The following TTC9B variants were observed in gnomAD, a reference collection of about 807,000 sequenced individuals.
The protein encoded by TTC9B is tetratricopeptide repeat protein 9B.
In TTC9B, 12 loss-of-function variants were observed where a neutral mutation model predicts 19.4. The observed-to-expected ratio is 0.62, with a 90% confidence interval of 0.40 to 1.00. The LOEUF is 1.00. Among genes scored for constraint, TTC9B ranks in the 50% least tolerant of loss-of-function variants. The pLI, the probability that TTC9B is intolerant of heterozygous loss-of-function variation, is 0.00. For synonymous variants in TTC9B, 156 were observed against 158.6 expected (o/e 0.98, Z 0.12); for missense variants, 316 against 345.2 (o/e 0.92, Z 0.67).
intron 2 of TTC9B, chr19:40,216,850 G>A: frequency 2.2e-6 from 1 of 456,932 alleles, no homozygotes; most frequent in South Asian, 2.9e-5. Flanking sequence ...GCAGGGGTGG[G>A]ACGGGGTAAT....
At chr19:40,217,788 T>G in intron 1 of TTC9B, 167 bp downstream of exon 1, 1 of 631,976 alleles carries the variant, frequency 1.6e-6, no homozygotes, top group Non-Finnish European at 2.5e-6. Flanking sequence ...CACAGACCCC[T>G]GTCATCCCCT....
chr19:40,217,725 G>T, intron 1 of TTC9B: 1 of 529,284 alleles, frequency 1.9e-6, no homozygotes, highest in Admixed American at 3.7e-5. Context: ...GGGGAAGCGA[G>T]GCCCTGAATA....
rs960289441 is a variant in TTC9B, at chr19:40,217,266, G to C, written c.531C>G (p.Ala177=). Reference sequence around the variant, plus strand: ...CGCCCAGGTGGTAGAAGGCAATGCCGGCACGGTAGGTGGCCTTGAAGTTGC... The same window carrying C: ...CGCCCAGGTGGTAGAAGGCAATGCCCGCACGGTAGGTGGCCTTGAAGTTGC... ...QQGNFKATYR[A]GIAFYHLGDY... Residue 177 remains alanine (A), a synonymous_variant, in exon 2 of 3, where the codon GCC becomes GCG. Coordinates refer to ENST00000311308, the MANE Select transcript of TTC9B (RefSeq NM_152479.6). 6.2e-7 allele frequency: 1 copy of C among 1,614,052 alleles called. No homozygotes were observed. Among genetic ancestry groups the C allele is most frequent in the Non-Finnish European group, 8.5e-7 (1 of 1,179,950 alleles).
chr19:40,217,975 T>C lies in TTC9B; in HGVS notation c.407A>G (p.Glu136Gly). The change falls in exon 1 of 3, where the codon GAG (glutamate) becomes GGG (glycine). Residue 136 changes from glutamate to glycine, a missense_variant. Coordinates refer to ENST00000311308, the MANE Select transcript of TTC9B (RefSeq NM_152479.6). ...QRRLVESTEV[E>G]CYDSLTACLL... is the part of the protein sequence containing the mutation. ...CGTACCCGTGAGGGAGTCGTAACAC[T>C]CCACCTCCGTGCTCTCCACCAGGCG... The C allele has an allele frequency of 8.2e-7, 1 of 1,226,916 alleles. No homozygotes were observed. The highest frequency in any genetic ancestry group is 1.0e-6 in the Non-Finnish European group (1 of 974,418). The allele number at this position is 1,226,916 out of a possible 1,614,324, so 76.0% of individuals were successfully genotyped here. A position where few individuals can be genotyped will look rare whatever the true frequency, so the allele number is the denominator to read the frequency against.
chr19:40,218,334 C>CG lies in TTC9B; in HGVS notation c.47dup (p.Glu17GlyfsTer88). ...CGGGAGGCGGGCGCGGCGGAGGCTC[C>CG]GGGGCAGCGCTGAGCATCAGCACCG... is the stretch of plus-strand genomic sequence containing the variant. On this transcript the variant is annotated frameshift_variant, in exon 1 of 3. Transcript: ENST00000311308. LOFTEE classifies it high-confidence loss of function. This position sits in a 1 kb window ranked among gnomAD's most constrained non-coding sequence, Gnocchi z 4.2. 7.4e-7 allele frequency: 1 copy of CG among 1,355,690 alleles called. No individual in the cohort carries two copies. The highest frequency in any genetic ancestry group is 9.4e-7 in the Non-Finnish European group (1 of 1,062,332). 84.0% of individuals were successfully genotyped at this position (1,355,690 alleles called of 1,614,324 possible). A position where few individuals can be genotyped will look rare whatever the true frequency, so the allele number is the denominator to read the frequency against.
Position 40,216,089 on chromosome 19 carries a change from C to A in TTC9B, c.*74G>T. 1 of 1,238,910 alleles carries A rather than the reference C, an allele frequency of 8.1e-7. No homozygotes were observed. Among genetic ancestry groups the A allele is most frequent in the East Asian group, 2.3e-5 (1 of 42,906 alleles). 76.7% of individuals were successfully genotyped at this position (1,238,910 alleles called of 1,614,324 possible). On this transcript the variant is annotated 3_prime_UTR_variant, in exon 3 of 3. Transcript: ENST00000311308. ...TCACCAGTGACAAGTGTTTTACCAA[C>A]AAACACATGAGTCGGGGGAAGTTAC...
At position 40,217,950 on chromosome 19, in the gene TTC9B, C is replaced by T. The variant is rs1319677781; in HGVS notation, c.427+5G>A. Reference sequence around the variant, plus strand: ...GCCCCATCCCCCCACCCCCCGACGGCGTACCCGTGAGGGAGTCGTAACACT... The same window carrying T: ...GCCCCATCCCCCCACCCCCCGACGGTGTACCCGTGAGGGAGTCGTAACACT... On this transcript the variant is annotated splice_donor_5th_base_variant and intron_variant, in intron 1 of 2. Transcript: ENST00000311308. 2.0e-6 allele frequency: 3 copies of T among 1,465,758 alleles called. No homozygotes were observed. Among genetic ancestry groups the T allele is most frequent in the Non-Finnish European group, 2.7e-6 (3 of 1,114,778 alleles). The allele number at this position is 1,465,758 out of a possible 1,614,324, so 90.8% of individuals were successfully genotyped here. A position where few individuals can be genotyped will look rare whatever the true frequency, so the allele number is the denominator to read the frequency against.
In TTC9B at chr19:40,217,171, C is replaced by T. The variant is rs368124739; in HGVS notation, c.610+16G>A. On this transcript the variant is annotated intron_variant, in intron 2 of 2. Transcript: ENST00000311308. ...CCTGGGCCCAGCCCTCACCTCTGCC[C>T]CGCCCCGCCACTCACCTGTGGGTTC... The T allele has an allele frequency of 6.2e-7, 1 of 1,604,226 alleles. No homozygotes were observed. The highest frequency in any genetic ancestry group is 1.1e-5 in the South Asian group (1 of 89,952).
chr19:40,216,820 G>A, intron 2 of TTC9B: 1 of 409,818 alleles, frequency 2.4e-6, no homozygotes, highest in East Asian at 4.3e-5. Flanking sequence ...GGTGAGTGGA[G>A]GAATGAGTGT....
rs1266300821 is a variant in TTC9B at position 40,218,293 on chromosome 19, C to A, written c.89G>T (p.Gly30Val). ...GCGGGAGCCCGAGCCTGGGCCCGAG[C>A]CCGGTGGGGAGAGGGCGGGAGGCGG... ...PRPPPALSPP[G>V]SGPGSGSRHG... Residue 30 changes from glycine (G) to valine (V), a missense_variant, in exon 1 of 3, where the codon GGC (glycine) becomes GTC (valine). Physicochemically the swap from Gly to Val is moderately radical, Grantham distance 109 (BLOSUM62 -3). Transcript: ENST00000311308. The surrounding 1 kb of genome is among the most constrained non-coding windows in gnomAD (Gnocchi z 4.2). 2.1e-6 allele frequency: 3 copies of A among 1,417,998 alleles called. No individual in the cohort carries two copies. Among genetic ancestry groups the A allele is most frequent in the East Asian group, 3.0e-5 (1 of 32,986 alleles). The allele number at this position is 1,417,998 out of a possible 1,614,324, so 87.8% of individuals were successfully genotyped here. A position where few individuals can be genotyped will look rare whatever the true frequency, so the allele number is the denominator to read the frequency against.
At chr19:40,217,454 G>A in intron 1 of TTC9B, 85 bp from the exon 2 acceptor site, 2 of 1,504,714 alleles carry the variant, frequency 1.3e-6, no homozygotes, top group Non-Finnish European at 8.9e-7. Flanking sequence ...GGCTCCAGGC[G>A]GCAGGGAACC....
rs969008250 is a variant in TTC9B at position 40,217,347 on chromosome 19, C to T, written c.450G>A (p.Leu150=). The T allele has an allele frequency of 6.2e-7, 1 of 1,613,298 alleles. No homozygotes were observed. Among genetic ancestry groups the T allele is most frequent in the Non-Finnish European group, 8.5e-7 (1 of 1,179,610 alleles). ...ACTCGCGCACGCGCTCGTAGTTTACCAGCTCCGACTGCAGCAGGCAAGCTG... is the reference window on the plus strand; with the variant it reads ...ACTCGCGCACGCGCTCGTAGTTTACTAGCTCCGACTGCAGCAGGCAAGCTG... ...SLTACLLQSE[L]VNYERVREYC... The change falls in exon 2 of 3, where the codon CTG becomes CTA. Residue 150 remains leucine, a synonymous_variant. Transcript: ENST00000311308.
chr19:40,217,608 A>G, intron 1 of TTC9B: 1 of 558,798 alleles, frequency 1.8e-6, no homozygotes, highest in Non-Finnish European at 3.1e-6. Flanking sequence ...GGGCAAGAGC[A>G]CTAAGGCCCC....
At chr19:40,217,494 G>C in intron 1 of TTC9B, 125 bp from the exon 2 acceptor site, 2 of 1,240,450 alleles carry the variant, frequency 1.6e-6, no homozygotes, top group Middle Eastern at 2.8e-4. Flanking sequence ...GGCAACCAGG[G>C]GCGCCAATCC....
intron 1 of TTC9B, 77 bp downstream of exon 1, chr19:40,217,878 C>T: frequency 7.5e-7 from 1 of 1,325,226 alleles, no homozygotes; most frequent in Non-Finnish European, 9.9e-7. Flanking sequence ...CCCCAGGGCC[C>T]CTGGCCCCCA....
chr19:40,218,195 G>A lies in TTC9B; in HGVS notation c.187C>T (p.Arg63Cys), dbSNP rs934283850. The part of the protein sequence containing the change: ...SLGAALDSSL[R>C]AAVAFKAEGQ... The stretch of plus-strand genomic sequence containing the variant: ...TCTGCCTTGAACGCCACGGCGGCAC[G>A]CAGGCTGCTGTCGAGCGCCGCGCCC... The change falls in exon 1 of 3, where the codon CGT becomes TGT. Residue 63 changes from arginine to cysteine, a missense_variant. Arg to Cys is a radical substitution (Grantham distance 180). Coordinates refer to ENST00000311308, the MANE Select transcript of TTC9B (RefSeq NM_152479.6). The surrounding 1 kb of genome is among the most constrained non-coding windows in gnomAD (Gnocchi z 4.2). 8 of 1,574,442 alleles carry A rather than the reference G, an allele frequency of 5.1e-6. No homozygotes were observed. The highest frequency in any genetic ancestry group is 1.4e-5 in the African/African-American group (1 of 70,700).
At position 40,217,209 on chromosome 19, in the gene TTC9B, C is replaced by T; in HGVS notation, c.588G>A (p.Glu196=). The T allele has an allele frequency of 6.2e-7, 1 of 1,613,336 alleles. No homozygotes were observed. The highest frequency in any genetic ancestry group is 8.5e-7 in the Non-Finnish European group (1 of 1,179,836). Residue 196 remains glutamate, a synonymous_variant, in exon 2 of 3, where the codon GAG becomes GAA. Coordinates refer to ENST00000311308, the MANE Select transcript of TTC9B (RefSeq NM_152479.6). The stretch of plus-strand genomic sequence containing the variant: ...CACCTGTGGGTTCCCGGCTGCGGGC[C>T]TCCTGCAGGTAGCGCAGCGCGCGTG... The part of the protein sequence containing the change: ...DYARALRYLQ[E]ARSREPTDTN...
intron 1 of TTC9B, 79 bp from the exon 2 acceptor site, chr19:40,217,448 C>T: frequency 6.6e-7 from 1 of 1,522,938 alleles, no homozygotes; most frequent in South Asian, 1.2e-5. Context: ...AGCCGAGGCT[C>T]CAGGCGGCAG....
chr19:40,217,445 G>A (rs1973384680), intron 1 of TTC9B, 76 bp from the exon 2 acceptor site: 2 of 1,525,232 alleles, frequency 1.3e-6, no homozygotes, highest in African/African-American at 1.4e-5. Context: ...AGGAGCCGAG[G>A]CTCCAGGCGG....
Sources: allele counts gnomAD v4.1 joint callset, GRCh38; gene constraint gnomAD v4.1.1; non-coding constraint Gnocchi (gnomAD v3.1); transcripts MANE v1.5; gene names NCBI Gene and HGNC (gene_info 2026-07-23, HGNC 2026-07-21).